Variants in ZNF474 observed in about 807,000 individuals in gnomAD.
ZNF474 encodes the protein 4933409D10Rik.
For synonymous variants in ZNF474, 192 were observed against 162.2 expected, an observed-to-expected ratio of 1.18 and a Z score of -1.39; for missense variants, 511 against 433.8, an observed-to-expected ratio of 1.18 and a Z score of -1.58.
chr5:122,130,901 T>A (rs988866048), intron 1 of ZNF474, among the ~76,000 whole-genome samples: 7 of 152,260 alleles, frequency 4.6e-5, no homozygotes, highest in Middle Eastern at 6.8e-3. Context: ...TTATTAATTA[T>A]AATAATTCTT....
intron 1 of ZNF474, among the ~76,000 whole-genome samples, chr5:122,141,310 T>C (rs993888330): frequency 1.5e-5 from 2 of 132,958 alleles, no homozygotes; most frequent in African/African-American, 5.8e-5. Context: ...ATTTTTTTTT[T>C]TTTTTTTTTT....
At chr5:122,130,549 A>G (rs1241949871) in intron 1 of ZNF474, among the ~76,000 whole-genome samples, 3 of 152,138 alleles carry the variant, frequency 2.0e-5, no homozygotes, top group Admixed American at 6.6e-5. Flanking sequence ...GTATAATTGC[A>G]TTATATGCTT....
intron 1 of ZNF474, among the ~76,000 whole-genome samples, chr5:122,134,292 T>A (rs1341184480): frequency 6.6e-6 from 1 of 152,192 alleles, no homozygotes; most frequent in African/African-American, 2.4e-5. Context: ...CAAGGTGCAA[T>A]GCAGCCAAGC....
rs1580605743 is a variant in ZNF474, at chr5:122,145,121, A to ATTT, written c.-212-6658_-212-6657insTTT. ...CATACCTGACAATTAGATTGAATGA[A>ATTT]AGTGAAAGAACTTATTTCTTGACCT... On this transcript the variant is annotated intron_variant, in intron 1 of 1. Coordinates refer to ENST00000296600, the MANE Select transcript of ZNF474 (RefSeq NM_207317.3). Among the ~76,000 whole-genome samples the ATTT allele has an allele frequency of 2.6e-5, 4 of 152,350 alleles. No homozygotes were observed. The East Asian group carries it at 7.7e-4, about 29-fold the overall frequency.
At position 122,151,923 on chromosome 5, in the gene ZNF474, C is replaced by G. The variant is rs1756187813; in HGVS notation, c.-68C>G. On this transcript the variant is annotated 5_prime_UTR_variant, in exon 2 of 2. Transcript: ENST00000296600. ...ACAACTAACCTCACTAACCTTCACTCTAAGCAGAAGCCCAAAGTGAGTCTG... is the reference window on the plus strand; with the variant it reads ...ACAACTAACCTCACTAACCTTCACTGTAAGCAGAAGCCCAAAGTGAGTCTG... The G allele has an allele frequency of 6.5e-7, 1 of 1,535,698 alleles. No individual in the cohort carries two copies. The highest frequency in any genetic ancestry group is 1.4e-5 in the African/African-American group (1 of 72,372).
At chr5:122,149,988 T>C (rs944958287) in intron 1 of ZNF474, among the ~76,000 whole-genome samples, 1 of 151,548 alleles carries the variant, frequency 6.6e-6, no homozygotes, top group African/African-American at 2.4e-5. Context: ...AGAGACAATT[T>C]AGGGGAAGGA....
intron 1 of ZNF474, among the ~76,000 whole-genome samples, chr5:122,133,964 T>A (rs1278531810): frequency 6.6e-6 from 1 of 152,236 alleles, no homozygotes; most frequent in East Asian, 1.9e-4. Flanking sequence ...TCTACATAAT[T>A]TGAATAAATA....
chr5:122,152,505 G>A lies in ZNF474; in HGVS notation c.515G>A (p.Gly172Asp), dbSNP rs1756214704. The A allele has an allele frequency of 6.2e-7, 1 of 1,614,066 alleles. No homozygotes were observed. Among genetic ancestry groups the A allele is most frequent in the African/African-American group, 1.3e-5 (1 of 74,924 alleles). Residue 172 changes from glycine (G) to aspartate (D), a missense_variant, in exon 2 of 2, where the codon GGC (glycine) becomes GAC (aspartate). Physicochemically the swap from Gly to Asp is moderately conservative, Grantham distance 94. Coordinates refer to ENST00000296600, the MANE Select transcript of ZNF474 (RefSeq NM_207317.3). ...CAGCTGCTGCCCTGTGAATCCTGTGGCCGCACATTCTTGCCAGATCATCTT... is the reference window on the plus strand; with the variant it reads ...CAGCTGCTGCCCTGTGAATCCTGTGACCGCACATTCTTGCCAGATCATCTT... ...QAQLLPCESC[G>D]RTFLPDHLLV...
chr5:122,151,148 G>A (rs1580610306), intron 1 of ZNF474, among the ~76,000 whole-genome samples: 1 of 152,156 alleles, frequency 6.6e-6, no homozygotes, highest in South Asian at 2.1e-4. Flanking sequence ...GGACACTCAA[G>A]AAGTCTGTGA....
rs373847268 is a variant in ZNF474, at chr5:122,152,799, C to T, written c.809C>T (p.Pro270Leu). 41 of 1,613,990 alleles carry T rather than the reference C, an allele frequency of 2.5e-5. No individual in the cohort carries two copies. Among genetic ancestry groups the T allele is most frequent in the Middle Eastern group, 1.6e-4 (1 of 6,084 alleles). ...CTCCCACAGAAGCCTCAGCCCCTTC[C>T]GAATGCACAGTCCAGCCAAGCGGGA... ...QPLPQKPQPL[P>L]NAQSSQAGPN... is the part of the protein sequence containing the mutation. The change falls in exon 2 of 2, where the codon CCG becomes CTG. Residue 270 changes from proline to leucine, a missense_variant. Pro to Leu is a moderately conservative substitution (Grantham distance 98). Coordinates refer to ENST00000296600, the MANE Select transcript of ZNF474 (RefSeq NM_207317.3).
At chr5:122,141,105 ATTTT>A (rs1755828256) in intron 1 of ZNF474, among the ~76,000 whole-genome samples, 1 of 18,338 alleles carries the variant, frequency 5.5e-5, no homozygotes, top group Non-Finnish European at 1.4e-4. Context: ...TTTTTATTTT[ATTTT>A]ATTTTATTTT....
At chr5:122,137,542 G>C (rs556806714) in intron 1 of ZNF474, among the ~76,000 whole-genome samples, 2 of 144,328 alleles carry the variant, frequency 1.4e-5, no homozygotes, top group South Asian at 2.2e-4. Flanking sequence ...AAATAAGAAA[G>C]CTAAGCAAAG....
chr5:122,141,439 G>C (rs1237693898), intron 1 of ZNF474, among the ~76,000 whole-genome samples: 3 of 150,794 alleles, frequency 2.0e-5, no homozygotes, highest in Non-Finnish European at 4.4e-5. Context: ...CTCCCAAGTA[G>C]CCGGGACTAC....
chr5:122,148,194 G>A (rs1756040700), intron 1 of ZNF474, among the ~76,000 whole-genome samples: 1 of 152,228 alleles, frequency 6.6e-6, no homozygotes, highest in Non-Finnish European at 1.5e-5. Flanking sequence ...ATGGCATGTT[G>A]CCTTTGCACA....
intron 1 of ZNF474, among the ~76,000 whole-genome samples, chr5:122,134,553 G>A (rs906992536): frequency 2.0e-5 from 3 of 152,278 alleles, no homozygotes; most frequent in Non-Finnish European, 2.9e-5. Context: ...AGCAGTCAAC[G>A]ACAAACATAA....
In ZNF474 at chr5:122,152,732, A is replaced by G. The variant is rs1163661115; in HGVS notation, c.742A>G (p.Lys248Glu). ...TGAGCCCAAATGCCTGGAAAAGTGG[A>G]AAATGGAAAATGACCGGCTCCCTGT... is the stretch of plus-strand genomic sequence containing the variant. Reference protein sequence around the residue: ...IHEPKCLEKWKMENDRLPVEL... With the variant: ...IHEPKCLEKWEMENDRLPVEL... Residue 248 changes from lysine to glutamate, a missense_variant, in exon 2 of 2, where the codon AAA becomes GAA. Lys to Glu is a moderately conservative substitution (Grantham distance 56, BLOSUM62 1). Coordinates refer to ENST00000296600, the MANE Select transcript of ZNF474 (RefSeq NM_207317.3). The G allele has an allele frequency of 1.2e-6, 2 of 1,614,142 alleles. No homozygotes were observed. The highest frequency in any genetic ancestry group is 1.7e-5 in the Admixed American group (1 of 60,022).
intron 1 of ZNF474, among the ~76,000 whole-genome samples, chr5:122,138,612 A>G (rs79433463): frequency 0.016 from 2,503 of 152,350 alleles, 55 homozygotes; most frequent in South Asian, 0.062. Context: ...TATTAGTACC[A>G]TATGACCTAG....
intron 1 of ZNF474, among the ~76,000 whole-genome samples, chr5:122,133,787 C>T (rs1755634884): frequency 6.6e-6 from 1 of 152,174 alleles, no homozygotes; most frequent in Admixed American, 6.5e-5. Context: ...TCTTGAACTC[C>T]TGAGCTCAAG....
At chr5:122,133,266 T>C (rs1436980345) in intron 1 of ZNF474, among the ~76,000 whole-genome samples, 2 of 152,222 alleles carry the variant, frequency 1.3e-5, no homozygotes, top group African/African-American at 2.4e-5. Context: ...TATTTATTTG[T>C]TCATAATTTC....
Sources: gnomAD v4.1 joint callset for allele counts (sites outside exome capture counted in the v4.1 genomes callset) on GRCh38, gnomAD v4.1.1 for gene constraint, MANE v1.5 for transcripts, NCBI Gene and HGNC (gene_info 2026-07-23, HGNC 2026-07-21) for gene names.